SASS6: variants seen among roughly 807,000 people sequenced by gnomAD.
The protein encoded by SASS6 is SAS-6 centriolar assembly protein.
A neutral mutation model predicts 94.9 loss-of-function variants in SASS6; 59 were observed. The ratio of observed to expected loss-of-function variants is 0.62; its 90% CI spans 0.50 to 0.77. The LOEUF (loss-of-function observed/expected upper bound fraction) is 0.77. Among genes scored for constraint, SASS6 ranks in the 30% least tolerant of loss-of-function variants. The probability of loss-of-function intolerance (pLI) is 0.00; values close to 1 mark genes in which losing one functional copy is unlikely to be tolerated. For synonymous variants in SASS6, 264 were observed against 270.0 expected, an observed-to-expected ratio of 0.98 and a Z score of 0.22; for missense variants, 698 against 734.1, an observed-to-expected ratio of 0.95 and a Z score of 0.57.
chr1:100,107,644 GATA>G lies in SASS6; in HGVS notation c.1127_1129del (p.Leu376del). On this transcript the variant is annotated inframe_deletion, in exon 10 of 17. Coordinates refer to ENST00000287482, the MANE Select transcript of SASS6 (RefSeq NM_194292.3). ...AAAACAAACCTTCAGAAGTTCTGCA[GATA>G]ATGATTTTATTGTAGCTTCAAGCTT... is the stretch of plus-strand genomic sequence containing the variant. 6.2e-7 allele frequency: 1 copy of G among 1,600,618 alleles called. No individual in the cohort carries two copies.
intron 1 of SASS6, among the ~76,000 whole-genome samples, chr1:100,131,201 T>C (rs1195004237): frequency 6.6e-6 from 1 of 151,748 alleles, no homozygotes; most frequent in African/African-American, 2.4e-5. Context: ...TTTCTTTTTT[T>C]TTTTTCAGAG....
intron 1 of SASS6, among the ~76,000 whole-genome samples, chr1:100,132,071 C>T (rs1308797193): frequency 6.6e-6 from 1 of 152,138 alleles, no homozygotes; most frequent in Non-Finnish European, 1.5e-5. Context: ...CTTCTCTGTG[C>T]GACTGGTCTT....
intron 14 of SASS6, among the ~76,000 whole-genome samples, chr1:100,089,152 C>G (rs1651511770): frequency 6.6e-6 from 1 of 151,946 alleles, no homozygotes; most frequent in African/African-American, 2.4e-5. Flanking sequence ...AATAAATTAA[C>G]AGCAAATTAT....
intron 15 of SASS6, among the ~76,000 whole-genome samples, chr1:100,087,501 T>C (rs1164592623): frequency 7.2e-5 from 11 of 152,194 alleles, no homozygotes; most frequent in Admixed American, 7.2e-4. Flanking sequence ...ATGAAGTCTA[T>C]CCAGAGAGAA....
intron 8 of SASS6, 150 bp from the exon 9 acceptor site, chr1:100,108,154 C>G (rs939642912): frequency 1.2e-5 from 6 of 490,878 alleles, no homozygotes; most frequent in Admixed American, 3.7e-5. Flanking sequence ...GCATAAATGT[C>G]TTTCTAATGG....
At chr1:100,102,469 GA>G (rs1052717683) in intron 14 of SASS6, among the ~76,000 whole-genome samples, 2 of 152,130 alleles carry the variant, frequency 1.3e-5, no homozygotes, top group African/African-American at 4.8e-5. Context: ...TTGAGGCCAG[GA>G]GTTCGAGACC....
chr1:100,112,147 G>A (rs1653387028), intron 7 of SASS6, among the ~76,000 whole-genome samples: 1 of 152,028 alleles, frequency 6.6e-6, no homozygotes, highest in African/African-American at 2.4e-5. Context: ...GAGTCTAACA[G>A]AAAAGGGAGA....
In SASS6 at chr1:100,122,429, T is replaced by C. The variant is rs1202921004; in HGVS notation, c.262A>G (p.Ile88Val). ...VDFLAFPQKF[I>V]DLLQQCTQEH... ...TGAGTACATTGCTGAAGGAGATCTA[T>C]AAATTTTTGTGGGAAAGCTAAGAAG... Residue 88 changes from isoleucine (I) to valine (V), a missense_variant, in exon 4 of 17, where the codon ATA becomes GTA. Physicochemically the swap from Ile to Val is conservative, Grantham distance 29. Transcript: ENST00000287482. The C allele has an allele frequency of 3.1e-6, 5 of 1,590,810 alleles. No homozygotes were observed. The highest frequency in any genetic ancestry group is 2.2e-5 in the South Asian group (2 of 90,242).
At chr1:100,087,229 C>T (rs1450572940) in intron 15 of SASS6, among the ~76,000 whole-genome samples, 1 of 152,196 alleles carries the variant, frequency 6.6e-6, no homozygotes, top group East Asian at 1.9e-4. Flanking sequence ...GTGATCCACC[C>T]ACCTTGGCCT....
chr1:100,090,868 C>T (rs1017784042), intron 14 of SASS6, among the ~76,000 whole-genome samples: 4 of 152,084 alleles, frequency 2.6e-5, no homozygotes, highest in African/African-American at 9.7e-5. Context: ...AACTCTTAGG[C>T]TCACTTATGA....
chr1:100,122,553 T>C (rs1383287087), intron 3 of SASS6, 69 bp from the exon 4 acceptor site: 2 of 493,530 alleles, frequency 4.1e-6, no homozygotes, highest in Non-Finnish European at 3.4e-6. Flanking sequence ...TGGTGCCTTT[T>C]TTTTTTTTTT....
intron 14 of SASS6, among the ~76,000 whole-genome samples, chr1:100,096,087 CA>C (rs1652082495): frequency 6.6e-6 from 1 of 152,094 alleles, no homozygotes; most frequent in Non-Finnish European, 1.5e-5. Context: ...AGATCTAAAA[CA>C]ATTTTGAAAA....
In SASS6 at chr1:100,084,355, TGAG is replaced by T. The variant is rs1193656371; in HGVS notation, c.*970_*972del. The T allele has an allele frequency of 6.6e-6, 1 of 152,016 alleles. No individual in the cohort carries two copies. Among genetic ancestry groups the T allele is most frequent in the Non-Finnish European group, 1.5e-5 (1 of 67,926 alleles). 9.4% of individuals were successfully genotyped at this position (152,016 alleles called of 1,614,324 possible). ...ATTGTTTGTCAATAAGAAAACAAAATGAGGCCCTATGATTCTAGGTGAATTTTA... is the reference window on the plus strand; with the variant it reads ...ATTGTTTGTCAATAAGAAAACAAAATGCCCTATGATTCTAGGTGAATTTTA... On this transcript the variant is annotated 3_prime_UTR_variant, in exon 17 of 17. Transcript: ENST00000287482.
chr1:100,125,932 T>C lies in SASS6; in HGVS notation c.76A>G (p.Ile26Val), dbSNP rs1654584236. Residue 26 changes from isoleucine to valine, a missense_variant, in exon 2 of 17, where the codon ATA becomes GTA. Physicochemically the swap from Ile to Val is conservative, Grantham distance 29. Coordinates refer to ENST00000287482, the MANE Select transcript of SASS6 (RefSeq NM_194292.3). ...GATTGTAGTTCAATGCTCATTCTTA[T>C]ACTTACTCTCCTGTAGGAAAAGACA... ...CKDCEERRVSIRMSIELQSVS... is the reference protein window; with the variant it reads ...CKDCEERRVSVRMSIELQSVS... 10 of 1,540,876 alleles carry C rather than the reference T, an allele frequency of 6.5e-6. No homozygotes were observed. Among genetic ancestry groups the C allele is most frequent in the African/African-American group, 2.8e-5 (2 of 72,262 alleles).
At chr1:100,108,416 A>C (rs1033943549) in intron 8 of SASS6, among the ~76,000 whole-genome samples, 2 of 152,138 alleles carry the variant, frequency 1.3e-5, no homozygotes, top group African/African-American at 4.8e-5. Context: ...TGCAGTTTAT[A>C]ATCTACCTTC....
At chr1:100,105,275 TC>T (rs1303140015) in intron 13 of SASS6, among the ~76,000 whole-genome samples, 1 of 152,174 alleles carries the variant, frequency 6.6e-6, no homozygotes, top group Non-Finnish European at 1.5e-5. Context: ...ACGCCTGTAA[TC>T]CCAACACTTT....
intron 1 of SASS6, among the ~76,000 whole-genome samples, chr1:100,130,509 C>T (rs552945709): frequency 3.3e-5 from 5 of 152,012 alleles, no homozygotes; most frequent in African/African-American, 7.2e-5. Context: ...AGGGAGACCC[C>T]GTCTCTTTTA....
rs1651143882 is a variant in SASS6, at chr1:100,085,173, A to G, written c.*155T>C. 1.7e-6 allele frequency: 1 copy of G among 595,478 alleles called. No homozygotes were observed. Among genetic ancestry groups the G allele is most frequent in the Non-Finnish European group, 3.0e-6 (1 of 331,232 alleles). 36.9% of individuals were successfully genotyped at this position (595,478 alleles called of 1,614,324 possible). On this transcript the variant is annotated 3_prime_UTR_variant, in exon 17 of 17. Transcript: ENST00000287482. ...CCAAGTACAAATTTGTTCCTATATT[A>G]TAAACTGCCATAAAAGCAGTACTTA...
chr1:100,119,158 AAATATT>A, intron 6 of SASS6, 21 bp from the exon 7 acceptor site: 1 of 1,360,136 alleles, frequency 7.4e-7, no homozygotes, highest in Non-Finnish European at 1.0e-6. Flanking sequence ...GTTTAACACA[AAATATT>A]AAGATAGGCT....
Sources: gnomAD v4.1 joint callset for allele counts (sites outside exome capture counted in the v4.1 genomes callset) on GRCh38, gnomAD v4.1.1 for gene constraint, MANE v1.5 for transcripts, NCBI Gene and HGNC (gene_info 2026-07-23, HGNC 2026-07-21) for gene names.